Variants in PCDHGA11 observed in about 807,000 individuals in gnomAD.
PCDHGA11 encodes protocadherin gamma subfamily A, 11.
In PCDHGA11, 39 loss-of-function variants were observed where a neutral mutation model predicts 60.4. The observed-to-expected ratio is 0.65, with a 90% CI of 0.50 to 0.84. The LOEUF (loss-of-function observed/expected upper bound fraction) is 0.84, where lower values mean the gene tolerates loss of function less well. Ranked by LOEUF, PCDHGA11 falls within the 40% of genes least tolerant of loss-of-function variation. The pLI is 0.00. For missense variants in PCDHGA11, 1,165 were observed against 1,197.7 expected (o/e 0.97, Z 0.40); for synonymous variants, 533 against 510.3 (o/e 1.04, Z -0.60).
rs2096627272 is a variant in PCDHGA11, at chr5:141,422,139, A to G, written c.912A>G (p.Val304=). ...ATTCACAAACTGGAGAAGTTCAAGT[A>G]CGGGGGTCTCTGGATTTTGAAAAAT... ...QLDSQTGEVQ[V]RGSLDFEKYR... Residue 304 remains valine (V), a synonymous_variant, in exon 1 of 4, where the codon GTA becomes GTG. Transcript: ENST00000398587. 1 of 1,588,154 alleles carries G rather than the reference A, an allele frequency of 6.3e-7. No individual in the cohort carries two copies.
At chr5:141,468,841 G>C (rs1189145481) in intron 1 of PCDHGA11, among the ~76,000 whole-genome samples, 3 of 152,014 alleles carry the variant, frequency 2.0e-5, no homozygotes, top group Non-Finnish European at 4.4e-5. Flanking sequence ...ACTCCAGCCT[G>C]GGCAACAGAG....
intron 3 of PCDHGA11, among the ~76,000 whole-genome samples, chr5:141,509,745 T>C (rs1456852988): frequency 6.6e-6 from 1 of 152,186 alleles, no homozygotes; most frequent in East Asian, 1.9e-4. Context: ...TCTGAGCCTG[T>C]GCCTAAAGTG....
chr5:141,492,720 A>G (rs1161942205), intron 1 of PCDHGA11, among the ~76,000 whole-genome samples: 1 of 152,256 alleles, frequency 6.6e-6, no homozygotes, highest in East Asian at 1.9e-4. Context: ...GCAGGCGGAC[A>G]GGCAGAGCTG....
chr5:141,442,981 C>T (rs2098357132), intron 1 of PCDHGA11, among the ~76,000 whole-genome samples: 1 of 152,142 alleles, frequency 6.6e-6, no homozygotes, highest in African/African-American at 2.4e-5. Flanking sequence ...ATAAAGTTAG[C>T]CTATAATTTC....
At chr5:141,488,198 G>C (rs1007623840) in intron 1 of PCDHGA11, among the ~76,000 whole-genome samples, 1 of 152,166 alleles carries the variant, frequency 6.6e-6, no homozygotes, top group Non-Finnish European at 1.5e-5. Flanking sequence ...CTGGGTCTTA[G>C]GACTCATATC....
At position 141,423,116 on chromosome 5, in the gene PCDHGA11, C is replaced by T. The variant is rs374000303; in HGVS notation, c.1889C>T (p.Ala630Val). Residue 630 changes from alanine to valine, a missense_variant, in exon 1 of 4, where the codon GCG becomes GTG. Physicochemically the swap from Ala to Val is moderately conservative, Grantham distance 64. Coordinates refer to ENST00000398587, the MANE Select transcript of PCDHGA11 (RefSeq NM_018914.3). Reference sequence around the variant, plus strand: ...GAGCACACGGGCGAGGTGCGTACAGCGCGGGCACTGCTGGACAGAGACGCG... The same window carrying T: ...GAGCACACGGGCGAGGTGCGTACAGTGCGGGCACTGCTGGACAGAGACGCG... ...VGEHTGEVRT[A>V]RALLDRDALK... 210 of 1,613,682 alleles carry T rather than the reference C, an allele frequency of 1.3e-4. No homozygotes were observed. The highest frequency in any genetic ancestry group is 4.9e-4 in the Middle Eastern group (3 of 6,072).
intron 3 of PCDHGA11, among the ~76,000 whole-genome samples, chr5:141,509,353 C>A (rs2099876446): frequency 6.6e-6 from 1 of 152,170 alleles, no homozygotes; most frequent in Non-Finnish European, 1.5e-5. Context: ...CTGGCCTGGG[C>A]ATCCCTGAGG....
At position 141,489,947 on chromosome 5, in the gene PCDHGA11, A is replaced by G. The variant is rs368977481; in HGVS notation, c.2434-4860A>G. The G allele has an allele frequency of 5.4e-5, 87 of 1,614,090 alleles. No individual in the cohort carries two copies. Among genetic ancestry groups the G allele is most frequent in the South Asian group, 6.6e-5 (6 of 91,094 alleles). ...ATCTCTGTCATCGTGCTGGACATCA[A>G]TGATAATGCTCCAACCTTCCAATCC... On this transcript the variant is annotated intron_variant, in intron 1 of 3. Transcript: ENST00000398587. This position sits in a 1 kb window ranked among gnomAD's most constrained non-coding sequence, Gnocchi z 4.5.
At chr5:141,468,783 G>T (rs908838744) in intron 1 of PCDHGA11, among the ~76,000 whole-genome samples, 5 of 151,346 alleles carry the variant, frequency 3.3e-5, no homozygotes, top group East Asian at 2.0e-4. Flanking sequence ...GGAGAATGGC[G>T]TGAACCCGGG....
intron 1 of PCDHGA11, among the ~76,000 whole-genome samples, chr5:141,466,748 G>A (rs562859284): frequency 6.6e-6 from 1 of 152,238 alleles, no homozygotes; most frequent in South Asian, 2.1e-4. Context: ...TACTCTGATA[G>A]GGGCTCTTTT....
chr5:141,461,228 A>C (rs1472527415), intron 1 of PCDHGA11, among the ~76,000 whole-genome samples: 1 of 151,976 alleles, frequency 6.6e-6, no homozygotes, highest in Non-Finnish European at 1.5e-5. Flanking sequence ...TTTTCCATAG[A>C]GGTTGTACTA....
At position 141,421,194 on chromosome 5, in the gene PCDHGA11, C is replaced by G; in HGVS notation, c.-34C>G. 1 of 1,498,922 alleles carries G rather than the reference C, an allele frequency of 6.7e-7. No homozygotes were observed. Among genetic ancestry groups the G allele is most frequent in the South Asian group, 1.3e-5 (1 of 75,806 alleles). The allele number at this position is 1,498,922 out of a possible 1,614,324, so 92.9% of individuals were successfully genotyped here. A position where few individuals can be genotyped will look rare whatever the true frequency, so the allele number is the denominator to read the frequency against. On this transcript the variant is annotated 5_prime_UTR_variant, in exon 1 of 4. Transcript: ENST00000398587. Reference sequence around the variant, plus strand: ...TAAGCCGATTCACAACCAACCAGCTCGAGAAACCGCGGAATATCGGCTTAG... The same window carrying G: ...TAAGCCGATTCACAACCAACCAGCTGGAGAAACCGCGGAATATCGGCTTAG...
In PCDHGA11 at chr5:141,422,772, C is replaced by A; in HGVS notation, c.1545C>A (p.Leu515=). The change falls in exon 1 of 4, where the codon CTC becomes CTA. Residue 515 remains leucine (L), a synonymous_variant. Coordinates refer to ENST00000398587, the MANE Select transcript of PCDHGA11 (RefSeq NM_018914.3). Reference sequence around the variant, plus strand: ...CTATTAACTCCAACACTGGTGTTCTCTATGCCCTACAATCCTTCGACTATG... The same window carrying A: ...CTATTAACTCCAACACTGGTGTTCTATATGCCCTACAATCCTTCGACTATG... The part of the protein sequence containing the change: ...YVSINSNTGV[L]YALQSFDYEQ... The A allele has an allele frequency of 6.2e-7, 1 of 1,613,922 alleles. No homozygotes were observed.
intron 2 of PCDHGA11, among the ~76,000 whole-genome samples, chr5:141,496,103 C>T (rs779317844): frequency 2.0e-5 from 3 of 152,218 alleles, no homozygotes; most frequent in South Asian, 2.1e-4. Flanking sequence ...ACCAACACCC[C>T]GCTCTCTTCC....
chr5:141,453,266 A>G (rs1322091044), intron 1 of PCDHGA11, among the ~76,000 whole-genome samples: 4 of 151,838 alleles, frequency 2.6e-5, no homozygotes. Flanking sequence ...AGTGCACACC[A>G]CCATGACTGG....
At chr5:141,509,536 A>T (rs778275338) in intron 3 of PCDHGA11, among the ~76,000 whole-genome samples, 1 of 152,130 alleles carries the variant, frequency 6.6e-6, no homozygotes, top group Non-Finnish European at 1.5e-5. Context: ...AGGATGAAGC[A>T]CCATCTCATT....
intron 1 of PCDHGA11, among the ~76,000 whole-genome samples, chr5:141,462,117 C>G (rs965365318): frequency 6.6e-6 from 1 of 152,170 alleles, no homozygotes; most frequent in African/African-American, 2.4e-5. Flanking sequence ...GCCACTGCAC[C>G]CAGTCCAATT....
intron 1 of PCDHGA11, chr5:141,428,289 G>A: frequency 1.4e-6 from 1 of 728,400 alleles, no homozygotes; most frequent in Non-Finnish European, 2.4e-6. Context: ...CCCAAGCAAA[G>A]CTGCAGATTT....
chr5:141,500,043 T>A (rs1240979831), intron 2 of PCDHGA11, among the ~76,000 whole-genome samples: 1 of 152,048 alleles, frequency 6.6e-6, no homozygotes, highest in East Asian at 1.9e-4. Flanking sequence ...CTCTTAAGTA[T>A]CTTAATGCTC....
Sources: allele counts gnomAD v4.1 joint callset (sites outside exome capture counted in the v4.1 genomes callset), GRCh38; gene constraint gnomAD v4.1.1; non-coding constraint Gnocchi (gnomAD v3.1); transcripts MANE v1.5; gene names NCBI Gene and HGNC (gene_info 2026-07-23, HGNC 2026-07-21).